HDAC9: variants seen among roughly 807,000 people sequenced by gnomAD.
HDAC9 encodes the protein MEF-2 interacting transcription repressor (MITR) protein.
Under a neutral mutation model 139.4 loss-of-function variants are expected in HDAC9, and 41 were observed. That is an observed-to-expected ratio of 0.29 (90% CI 0.23 to 0.38). The LOEUF is 0.38. Ranked by LOEUF, HDAC9 falls within the 10% of genes least tolerant of loss-of-function variation. The pLI, the probability that HDAC9 is intolerant of heterozygous loss-of-function variation, is 1.00. For missense variants in HDAC9, 1,147 were observed against 1,297.0 expected (o/e 0.88, Z 1.78); for synonymous variants, 517 against 476.2 (o/e 1.09, Z -1.12).
At chr7:18,604,886 G>T (rs901499969) in intron 6 of HDAC9, among the ~76,000 whole-genome samples, 3 of 151,930 alleles carry the variant, frequency 2.0e-5, no homozygotes, top group African/African-American at 7.3e-5. Flanking sequence ...TCCAAAATTT[G>T]TGTCATAACT....
intron 22 of HDAC9, among the ~76,000 whole-genome samples, chr7:18,917,161 T>C (rs1460500403): frequency 1.3e-5 from 2 of 151,996 alleles, no homozygotes; most frequent in Non-Finnish European, 2.9e-5. Context: ...AATCATCTTA[T>C]GTTACTTAGG....
chr7:18,949,309 A>G, intron 23 of HDAC9: 1 of 230,518 alleles, frequency 4.3e-6, no homozygotes, highest in East Asian at 1.3e-4. Flanking sequence ...TTTCTGTGGA[A>G]CCTCACTACC....
rs193184786 is a variant in HDAC9 at position 18,900,002 on chromosome 7, A to G, written c.2803+25406A>G. 2.0e-4 allele frequency among the ~76,000 whole-genome samples: 30 copies of G among 152,252 alleles called. 1 individual carries two copies. Among genetic ancestry groups the G allele is most frequent in the Admixed American group, 1.8e-3 (27 of 15,280 alleles). On this transcript the variant is annotated intron_variant, in intron 22 of 25. Coordinates refer to ENST00000686413, the MANE Select transcript of HDAC9 (RefSeq NM_178425.4). ...TAGATTTCTCTGTACATGGATTTCA[A>G]ACAAGGAGTTTCTCTAATTTAAAAA...
intron 24 of HDAC9, among the ~76,000 whole-genome samples, chr7:18,956,282 C>T (rs779904184): frequency 5.9e-5 from 9 of 152,052 alleles, no homozygotes; most frequent in Non-Finnish European, 1.0e-4. Flanking sequence ...CCAATAATGC[C>T]ATAATTTCTC....
In HDAC9 at chr7:18,881,462, G is replaced by A. The variant is rs182863956; in HGVS notation, c.2803+6866G>A. ...AATACCCTCCACTTTTCCATTTCTTGTGTCCACAGAGTTGAATATAGATTG... is the reference window on the plus strand; with the variant it reads ...AATACCCTCCACTTTTCCATTTCTTATGTCCACAGAGTTGAATATAGATTG... On this transcript the variant is annotated intron_variant, in intron 22 of 25. Coordinates refer to ENST00000686413, the MANE Select transcript of HDAC9 (RefSeq NM_178425.4). Among the ~76,000 whole-genome samples, 28 of 152,136 alleles carry A rather than the reference G, an allele frequency of 1.8e-4. No individual in the cohort carries two copies. In the East Asian group the frequency reaches 5.4e-3, roughly 29 times the overall value.
chr7:18,775,823 TAGTC>T (rs1259774079), intron 16 of HDAC9, among the ~76,000 whole-genome samples: 2 of 152,098 alleles, frequency 1.3e-5, no homozygotes, highest in Non-Finnish European at 2.9e-5. Flanking sequence ...GGACAGAAGA[TAGTC>T]AGAATATCCA....
At chr7:18,536,934 T>G in intron 2 of HDAC9, among the ~76,000 whole-genome samples, 1 of 152,200 alleles carries the variant, frequency 6.6e-6, no homozygotes, top group East Asian at 1.9e-4. Context: ...CATAAAATAC[T>G]ATGTGTATAT....
chr7:18,410,193 G>A (rs1025394934), intron 1 of HDAC9, among the ~76,000 whole-genome samples: 3 of 152,086 alleles, frequency 2.0e-5, no homozygotes, highest in African/African-American at 7.2e-5. Flanking sequence ...TTTAGAAATG[G>A]TTATTTTCTA....
At chr7:18,248,455 A>G (rs928600699) in intron 2 of HDAC9, among the ~76,000 whole-genome samples, 2 of 152,180 alleles carry the variant, frequency 1.3e-5, no homozygotes, top group Non-Finnish European at 2.9e-5. Flanking sequence ...CATAAAGGGG[A>G]GAAAGCCCTT....
At chr7:18,736,219 C>G (rs907644769) in intron 13 of HDAC9, among the ~76,000 whole-genome samples, 5 of 152,076 alleles carry the variant, frequency 3.3e-5, no homozygotes, top group African/African-American at 9.7e-5. Context: ...AATTGAATAC[C>G]CTTTATTTCT....
At chr7:18,580,380 C>T (rs541103607) in intron 2 of HDAC9, among the ~76,000 whole-genome samples, 1 of 152,198 alleles carries the variant, frequency 6.6e-6, no homozygotes, top group Admixed American at 6.5e-5. Context: ...CAGGACTTTG[C>T]AAGGTGATAA....
chr7:18,943,391 C>T (rs1782154156), intron 23 of HDAC9, among the ~76,000 whole-genome samples: 1 of 151,984 alleles, frequency 6.6e-6, no homozygotes, highest in African/African-American at 2.4e-5. Flanking sequence ...TATTTATTAT[C>T]CTCTTTCCAA....
chr7:18,366,906 T>G (rs1022265084), intron 1 of HDAC9, among the ~76,000 whole-genome samples: 2 of 152,042 alleles, frequency 1.3e-5, no homozygotes, highest in Non-Finnish European at 2.9e-5. Context: ...GAAAAAAATC[T>G]ATAGAAAATG....
At chr7:18,617,471 T>TC (rs780237577) in intron 6 of HDAC9, among the ~76,000 whole-genome samples, 90 of 152,180 alleles carry the variant, frequency 5.9e-4, no homozygotes, top group Non-Finnish European at 9.6e-4. Context: ...TTCCAGATGC[T>TC]CCTTGCTCTT....
intron 2 of HDAC9, among the ~76,000 whole-genome samples, chr7:18,263,698 T>G (rs555755088): frequency 6.6e-6 from 1 of 151,736 alleles, no homozygotes; most frequent in South Asian, 2.1e-4. Context: ...AACCTCCACC[T>G]CCCAAGCCCC....
intron 22 of HDAC9, among the ~76,000 whole-genome samples, chr7:18,895,509 G>A (rs1563032497): frequency 1.3e-5 from 2 of 152,042 alleles, no homozygotes; most frequent in African/African-American, 2.4e-5. Context: ...TTAATCAAAA[G>A]GACGAGAGCA....
At chr7:18,836,508 T>C (rs1796248009) in intron 21 of HDAC9, among the ~76,000 whole-genome samples, 1 of 152,186 alleles carries the variant, frequency 6.6e-6, no homozygotes. Flanking sequence ...TAGTTTTCCT[T>C]TCACATGAAA....
chr7:18,677,971 AG>A (rs1781630109), intron 12 of HDAC9, among the ~76,000 whole-genome samples: 1 of 151,828 alleles, frequency 6.6e-6, no homozygotes, highest in Non-Finnish European at 1.5e-5. Flanking sequence ...AGCAATTTTG[AG>A]TTAATTTTTA....
chr7:18,892,911 C>A (rs1470873499), intron 22 of HDAC9, among the ~76,000 whole-genome samples: 2 of 150,620 alleles, frequency 1.3e-5, no homozygotes, highest in East Asian at 3.9e-4. Flanking sequence ...GTTTAAGGAA[C>A]TTAAGTTTAT....
Sources: allele counts gnomAD v4.1 joint callset (sites outside exome capture counted in the v4.1 genomes callset), GRCh38; gene constraint gnomAD v4.1.1; transcripts MANE v1.5; gene names NCBI Gene and HGNC (gene_info 2026-07-23, HGNC 2026-07-21).